NXF3: variants seen among roughly 807,000 people sequenced by gnomAD.
NXF3 encodes the protein TAP-like protein 3.
A neutral mutation model predicts 48.4 loss-of-function variants in NXF3; 34 were observed. The ratio of observed to expected loss-of-function variants is 0.70; its 90% CI spans 0.53 to 0.93. NXF3 has a LOEUF of 0.93. Among genes scored for constraint, NXF3 ranks in the 40% least tolerant of loss-of-function variants. NXF3 has a pLI of 0.00. For synonymous variants in NXF3, 132 were observed against 145.7 expected, an observed-to-expected ratio of 0.91 and a Z score of 0.68; for missense variants, 359 against 406.1, an observed-to-expected ratio of 0.88 and a Z score of 1.00.
rs1263656731 is a variant in NXF3 at position 103,084,764 on chromosome X, C to G, written c.148G>C (p.Asp50His). The change falls in exon 2 of 20, where the codon GAT (aspartate) becomes CAT (histidine). Residue 50 changes from aspartate to histidine, a missense_variant. By Grantham distance (81) the Asp-to-His change is moderately conservative (BLOSUM62 -1). Transcript: ENST00000395065. ...GMHSSSHQQQ[D>H]GDAAMHGAHM... is the part of the protein sequence containing the mutation. ...GCACCATGCATTGCTGCATCTCCAT[C>G]TTGCTGCTGATGGGATGAAGAATGC... is the stretch of plus-strand genomic sequence containing the variant. 8.3e-7 allele frequency: 1 copy of G among 1,210,401 alleles called. No individual in the cohort carries two copies. Among genetic ancestry groups the G allele is most frequent in the South Asian group, 1.8e-5 (1 of 56,825 alleles).
intron 1 of NXF3, chrX:103,088,486 A>C (rs1446394027): frequency 9.8e-7 from 1 of 1,021,495 alleles, no homozygotes; most frequent in Non-Finnish European, 1.4e-6. Context: ...CAGCAAACTT[A>C]TTAAGCATTG....
In NXF3 at chrX:103,080,045, C is replaced by T. The variant is rs1322021337; in HGVS notation, c.1020G>A (p.Met340Ile). Reference sequence around the variant, plus strand: ...GGAATTGCAGGACCAGATTCTTCAACATCTCAGATCCAAAGAAGCTTCCCT... The same window carrying T: ...GGAATTGCAGGACCAGATTCTTCAATATCTCAGATCCAAAGAAGCTTCCCT... ...TCKGSFFGSE[M>I]LKNLVLQFLQ... is the part of the protein sequence containing the mutation. The change falls in exon 12 of 20, where the codon ATG (methionine) becomes ATA (isoleucine). Residue 340 changes from methionine (M) to isoleucine (I), a missense_variant. Met to Ile is a conservative substitution (Grantham distance 10, BLOSUM62 1). Coordinates refer to ENST00000395065, the MANE Select transcript of NXF3 (RefSeq NM_022052.2). 4.1e-6 allele frequency: 5 copies of T among 1,209,475 alleles called. No homozygotes were observed. The Admixed American group carries it at 8.8e-5, about 21-fold the overall frequency.
chrX:103,078,169 C>T (rs766914529), intron 17 of NXF3, among the ~76,000 whole-genome samples: 21 of 111,946 alleles, frequency 1.9e-4, no homozygotes, highest in Non-Finnish European at 3.6e-4. Context: ...CAGGGTCTCA[C>T]TCAGGCTGGA....
chrX:103,087,906 T>G (rs1267410044), intron 1 of NXF3: 14 of 963,905 alleles, frequency 1.5e-5, no homozygotes, highest in Non-Finnish European at 1.9e-5. Context: ...AAATCCATAC[T>G]AGGAATAAGG....
rs767608457 is a variant in NXF3, at chrX:103,088,201, A to G, written c.29-3318T>C. 7 of 954,238 alleles carry G rather than the reference A, an allele frequency of 7.3e-6. No individual in the cohort carries two copies. The East Asian group carries it at 2.3e-4, about 31-fold the overall frequency. The allele number at this position is 954,238 out of a possible 1,213,427, so 78.6% of individuals were successfully genotyped here. On this transcript the variant is annotated intron_variant, in intron 1 of 19. Coordinates refer to ENST00000395065, the MANE Select transcript of NXF3 (RefSeq NM_022052.2). ...TACAACTATAAAACCATTGTTAAAA[A>G]AAATATTGGCCAAGCTTAAACGTGC...
chrX:103,085,900 C>CAAAAA (rs56135590), intron 1 of NXF3, among the ~76,000 whole-genome samples: 22 of 43,504 alleles, frequency 5.1e-4, no homozygotes, highest in African/African-American at 8.4e-4. Context: ...GAGACTCTGT[C>CAAAAA]AAAAAAAAAA....
chrX:103,079,429 T>G lies in NXF3; in HGVS notation c.1265A>C (p.Asp422Ala). ...AGTTTTAGGCAACGCACTGAGGGAG[T>G]CCACAATATCAAGTTTTGTGTGCTT... Reference protein sequence around the residue: ...LLKHTKLDIVDSLSALPKTQH... With the variant: ...LLKHTKLDIVASLSALPKTQH... The change falls in exon 15 of 20, where the codon GAC (aspartate) becomes GCC (alanine). Residue 422 changes from aspartate to alanine, a missense_variant. Asp to Ala is a moderately radical substitution (Grantham distance 126, BLOSUM62 -2). Transcript: ENST00000395065. 1 of 1,210,379 alleles carries G rather than the reference T, an allele frequency of 8.3e-7. No homozygotes were observed. Among genetic ancestry groups the G allele is most frequent in the Non-Finnish European group, 1.1e-6 (1 of 895,029 alleles).
intron 18 of NXF3, 83 bp from the exon 19 acceptor site, chrX:103,076,384 G>T: frequency 9.9e-7 from 1 of 1,012,340 alleles, no homozygotes; most frequent in Admixed American, 2.2e-5. Context: ...CTTAATCTAT[G>T]CAACAGAAAC....
chrX:103,078,757 C>T, intron 16 of NXF3, 125 bp from the exon 17 acceptor site: 1 of 1,054,603 alleles, frequency 9.5e-7, no homozygotes, highest in Non-Finnish European at 1.3e-6. Context: ...CAGTTGTTCA[C>T]TTGGAGTGAG....
At chrX:103,080,099 G>A (rs1365975493) in intron 11 of NXF3, 31 bp from the exon 12 acceptor site, 2 of 1,206,544 alleles carry the variant, frequency 1.7e-6, no homozygotes, top group African/African-American at 3.5e-5. Context: ...GACCACAGAT[G>A]GTACCCCCCC....
At chrX:103,089,255 G>A in intron 1 of NXF3, 2 of 526,109 alleles carry the variant, frequency 3.8e-6, no homozygotes, top group East Asian at 3.4e-5. Flanking sequence ...AAGAGAAACT[G>A]GTTGCCTTGG....
At chrX:103,076,040 G>T (rs1921863530) in intron 19 of NXF3, 40 bp from the exon 20 acceptor site, 3 of 390,987 alleles carry the variant, frequency 7.7e-6, no homozygotes, top group South Asian at 5.6e-5. Context: ...TGAGGCTGAA[G>T]ATTATGACAC....
rs1190901619 is a variant in NXF3 at position 103,076,267 on chromosome X, C to T, written c.*23G>A. On this transcript the variant is annotated 3_prime_UTR_variant, in exon 19 of 20. Transcript: ENST00000395065. The stretch of plus-strand genomic sequence containing the variant: ...TTGGGCCATGCAAGAACATGAGGAG[C>T]TCTGACGTAGTCACACTGGTTGTTA... The T allele has an allele frequency of 1.1e-5, 13 of 1,207,940 alleles. No individual in the cohort carries two copies. In the African/African-American group the frequency reaches 1.8e-4, roughly 16 times the overall value.
chrX:103,082,267 G>A lies in NXF3; in HGVS notation c.878C>T (p.Ser293Phe). The A allele has an allele frequency of 8.3e-7, 1 of 1,199,662 alleles. No individual in the cohort carries two copies. Among genetic ancestry groups the A allele is most frequent in the Non-Finnish European group, 1.1e-6 (1 of 884,810 alleles). The change falls in exon 9 of 20, where the codon TCC (serine) becomes TTC (phenylalanine). Residue 293 changes from serine to phenylalanine, a missense_variant. Coordinates refer to ENST00000395065, the MANE Select transcript of NXF3 (RefSeq NM_022052.2). Reference sequence around the variant, plus strand: ...GGGTACAACTGACTTTATGTTGCTGGAGGTATCCGAGAAGGTCGTGCACAC... The same window carrying A: ...GGGTACAACTGACTTTATGTTGCTGAAGGTATCCGAGAAGGTCGTGCACAC... Reference protein sequence around the residue: ...SPVCTTFSDTSSNINSILELF... With the variant: ...SPVCTTFSDTFSNINSILELF...
At chrX:103,081,962 G>C (rs1343815291) in intron 9 of NXF3, 1 of 311,987 alleles carries the variant, frequency 3.2e-6, no homozygotes, top group Non-Finnish European at 5.7e-6. Flanking sequence ...TGCTGGTCCT[G>C]GGGAAGTGGG....
intron 1 of NXF3, among the ~76,000 whole-genome samples, chrX:103,091,118 C>T (rs1489547389): frequency 8.9e-6 from 1 of 112,010 alleles, no homozygotes. Context: ...TTTATATACT[C>T]TTTTTCCCGA....
chrX:103,092,483 G>A (rs1311461338), intron 1 of NXF3, among the ~76,000 whole-genome samples: 1 of 112,338 alleles, frequency 8.9e-6, no homozygotes, highest in Non-Finnish European at 1.9e-5. Flanking sequence ...CTGTGATGTG[G>A]GAATTTAACA....
At chrX:103,083,564 C>A (rs1238290698) in intron 4 of NXF3, 45 bp downstream of exon 4, 19 of 1,173,721 alleles carry the variant, frequency 1.6e-5, no homozygotes, top group Non-Finnish European at 2.2e-5. Context: ...ATCCAGCCCC[C>A]AACCTGTCCT....
chrX:103,087,987 T>C (rs1442076810), intron 1 of NXF3: 2 of 972,005 alleles, frequency 2.1e-6, no homozygotes, highest in African/African-American at 3.8e-5. Context: ...TAAATGCAAA[T>C]CAGGGTGGTT....
Sources: gnomAD v4.1 joint callset for allele counts (sites outside exome capture counted in the v4.1 genomes callset) on GRCh38, gnomAD v4.1.1 for gene constraint, MANE v1.5 for transcripts, NCBI Gene and HGNC (gene_info 2026-07-23, HGNC 2026-07-21) for gene names.